The following EP400 variants were observed in gnomAD, a reference collection of about 807,000 sequenced individuals.
The protein encoded by EP400 is E1A-binding protein p400.
A neutral mutation model predicts 354.1 loss-of-function variants in EP400; 105 were observed. The ratio of observed to expected loss-of-function variants is 0.30; its 90% CI spans 0.25 to 0.35. The LOEUF (loss-of-function observed/expected upper bound fraction) is 0.35. Among genes scored for constraint, EP400 ranks in the 10% least tolerant of loss-of-function variants. The pLI, the probability that EP400 is intolerant of heterozygous loss-of-function variation, is 1.00. For missense variants in EP400, 3,280 were observed against 4,121.0 expected (o/e 0.80, Z 5.59); for synonymous variants, 1,646 against 1,716.9 (o/e 0.96, Z 1.02).
At chr12:131,985,587 C>T (rs888166523) in intron 5 of EP400, among the ~76,000 whole-genome samples, 3 of 152,122 alleles carry the variant, frequency 2.0e-5, no homozygotes, top group African/African-American at 4.8e-5. Flanking sequence ...TTAAGTCTGT[C>T]GTTGAGGTGG....
chr12:132,033,120 G>A (rs937134214), intron 30 of EP400, among the ~76,000 whole-genome samples: 1 of 151,072 alleles, frequency 6.6e-6, no homozygotes, highest in Admixed American at 6.6e-5. Context: ...GCTAGTTTTT[G>A]TATTTTTAGT....
chr12:131,964,113 A>G (rs1038331222), intron 2 of EP400, among the ~76,000 whole-genome samples: 1 of 152,258 alleles, frequency 6.6e-6, no homozygotes, highest in Admixed American at 6.5e-5. Flanking sequence ...AACGGATATT[A>G]AGTGAATGCA....
intron 6 of EP400, 78 bp from the exon 7 acceptor site, chr12:131,987,627 T>C: frequency 7.4e-7 from 1 of 1,347,724 alleles, no homozygotes; most frequent in Non-Finnish European, 1.0e-6. Context: ...ATAGTAGGGC[T>C]TCAAATTTCT....
chr12:131,952,302 C>CAAAAAAA (rs927214848), intron 1 of EP400, among the ~76,000 whole-genome samples: 11 of 46,992 alleles, frequency 2.3e-4, no homozygotes, highest in East Asian at 1.5e-3. Context: ...GACTCTGTCT[C>CAAAAAAA]AAAAAAAAAA....
rs1245488287 is a variant in EP400, at chr12:132,018,591, ACCT to A, written c.4277+219_4277+221del. On this transcript the variant is annotated intron_variant, in intron 21 of 52. Transcript: ENST00000389561. This position sits in a 1 kb window ranked among gnomAD's most constrained non-coding sequence, Gnocchi z 4.0. ...CAACTGCTTGCCTCCCTGAGCAGCA[ACCT>A]CCTTGATCGTCTTTGCAGCAGTTTT... 6.6e-6 allele frequency among the ~76,000 whole-genome samples: 1 copy of A among 152,062 alleles called. No individual in the cohort carries two copies. The highest frequency in any genetic ancestry group is 1.9e-4 in the East Asian group (1 of 5,184).
At chr12:131,962,797 A>G (rs190092519) in intron 2 of EP400, among the ~76,000 whole-genome samples, 5 of 152,338 alleles carry the variant, frequency 3.3e-5, no homozygotes, top group Admixed American at 3.3e-4. Context: ...TGTGTAGTGT[A>G]TACTATGTTG....
chr12:132,079,915 G>A lies in EP400; in HGVS notation c.*2242G>A, dbSNP rs995274664. On this transcript the variant is annotated 3_prime_UTR_variant, in exon 53 of 53. Coordinates refer to ENST00000389561, the MANE Select transcript of EP400 (RefSeq NM_015409.5). ...TGTACGTAAAAACTCTCCTTTTAGT[G>A]TGTTATTTTCTTGGCCTTCCCTTTT... The A allele has an allele frequency of 2.0e-5, 3 of 152,208 alleles. No individual in the cohort carries two copies. The highest frequency in any genetic ancestry group is 7.2e-5 in the African/African-American group (3 of 41,440). The allele number at this position is 152,208 out of a possible 1,614,324, so 9.4% of individuals were successfully genotyped here.
rs188580930 is a variant in EP400 at position 132,015,149 on chromosome 12, A to G, written c.3923+1236A>G. On this transcript the variant is annotated intron_variant, in intron 19 of 52. Coordinates refer to ENST00000389561, the MANE Select transcript of EP400 (RefSeq NM_015409.5). Reference sequence around the variant, plus strand: ...GCATGCTTAATCCTGGTGAGTGGAGATTTCAGGAGGGAAGGTAAGTGTGCA... The same window carrying G: ...GCATGCTTAATCCTGGTGAGTGGAGGTTTCAGGAGGGAAGGTAAGTGTGCA... 9.3e-4 allele frequency among the ~76,000 whole-genome samples: 142 copies of G among 152,292 alleles called. 1 individual carries two copies. The highest frequency in any genetic ancestry group is 4.5e-3 in the Admixed American group (69 of 15,286).
chr12:132,028,955 C>G (rs1050483575), intron 27 of EP400: 1 of 152,430 alleles, frequency 6.6e-6, no homozygotes, highest in Non-Finnish European at 1.5e-5. Flanking sequence ...TCAGTTCTTT[C>G]AGATCAGGAA....
rs1485199132 is a variant in EP400, at chr12:132,043,738, T to TC, written c.6450+11dup. 1 of 1,595,448 alleles carries TC rather than the reference T, an allele frequency of 6.3e-7. No homozygotes were observed. Among genetic ancestry groups the TC allele is most frequent in the Admixed American group, 1.8e-5 (1 of 54,316 alleles). On this transcript the variant is annotated intron_variant, in intron 34 of 52. Coordinates refer to ENST00000389561, the MANE Select transcript of EP400 (RefSeq NM_015409.5). Reference sequence around the variant, plus strand: ...GGAGAGAAACAGTGAGGTAAGAGAATCAACTTTTGGTCAGTGAAAAAAATT... The same window carrying TC: ...GGAGAGAAACAGTGAGGTAAGAGAATCCAACTTTTGGTCAGTGAAAAAAATT...
chr12:132,021,288 G>C lies in EP400; in HGVS notation c.4657G>C (p.Val1553Leu). 6.5e-7 allele frequency: 1 copy of C among 1,527,556 alleles called. No individual in the cohort carries two copies. Among genetic ancestry groups the C allele is most frequent in the Non-Finnish European group, 8.7e-7 (1 of 1,143,526 alleles). The allele number at this position is 1,527,556 out of a possible 1,614,324, so 94.6% of individuals were successfully genotyped here. The change falls in exon 23 of 53, where the codon GTG (valine) becomes CTG (leucine). Residue 1553 changes from valine (V) to leucine (L), a missense_variant. Transcript: ENST00000389561. ...GCAGAGCGCGCTGCCTCAGAGGCTG[G>C]TGCTCCCCTCGCAGGCCCAGGCCCG... is the stretch of plus-strand genomic sequence containing the variant. ...AGQSALPQRL[V>L]LPSQAQARLP...
intron 1 of EP400, among the ~76,000 whole-genome samples, chr12:131,951,285 C>G (rs1241212816): frequency 2.6e-5 from 4 of 151,396 alleles, no homozygotes; most frequent in Non-Finnish European, 4.4e-5. Context: ...CTCCTGAGCT[C>G]AGGCAGTCCG....
intron 39 of EP400, among the ~76,000 whole-genome samples, 198 bp downstream of exon 39, chr12:132,046,098 G>A (rs1895088950): frequency 6.6e-6 from 1 of 152,242 alleles, no homozygotes; most frequent in Non-Finnish European, 1.5e-5. Flanking sequence ...TATGGCATGA[G>A]CAGTGATGGA....
chr12:132,025,708 G>T lies in EP400; in HGVS notation c.4918G>T (p.Val1640Leu). Residue 1640 changes from valine (V) to leucine (L), a missense_variant, in exon 25 of 53, where the codon GTG becomes TTG. Transcript: ENST00000389561. The surrounding 1 kb of genome is among the most constrained non-coding windows in gnomAD (Gnocchi z 4.1). Reference protein sequence around the residue: ...QPYLRAPGPVVMQTVSQAGAV... With the variant: ...QPYLRAPGPVLMQTVSQAGAV... Reference sequence around the variant, plus strand: ...CTACCTTCGAGCCCCTGGCCCTGTGGTGATGCAGACCGTGTCTCAGGCGGG... The same window carrying T: ...CTACCTTCGAGCCCCTGGCCCTGTGTTGATGCAGACCGTGTCTCAGGCGGG... 1 of 1,613,512 alleles carries T rather than the reference G, an allele frequency of 6.2e-7. No individual in the cohort carries two copies. Among genetic ancestry groups the T allele is most frequent in the East Asian group, 2.2e-5 (1 of 44,880 alleles).
intron 51 of EP400, chr12:132,076,199 T>TA (rs1565938280): frequency 2.1e-5 from 9 of 423,758 alleles, no homozygotes; most frequent in South Asian, 1.2e-4. Context: ...CTCAAATACT[T>TA]ACCATCCTCA....
At position 131,960,765 on chromosome 12, in the gene EP400, C is replaced by T. The variant is rs575639601; in HGVS notation, c.146C>T (p.Ser49Leu). 1.1e-5 allele frequency: 18 copies of T among 1,611,652 alleles called. No homozygotes were observed. Among genetic ancestry groups the T allele is most frequent in the South Asian group, 2.2e-5 (2 of 90,994 alleles). Reference protein sequence around the residue: ...AAPFAPSASPSAPQSPSYQIQ... With the variant: ...AAPFAPSASPLAPQSPSYQIQ... ...CCCTTCGCTCCCTCAGCAAGCCCGT[C>T]GGCACCCCAGTCTCCCAGTTATCAA... Residue 49 changes from serine to leucine, a missense_variant, in exon 2 of 53, where the codon TCG (serine) becomes TTG (leucine). Ser to Leu is a moderately radical substitution (Grantham distance 145). Coordinates refer to ENST00000389561, the MANE Select transcript of EP400 (RefSeq NM_015409.5).
chr12:132,013,305 A>ATCCCAG lies in EP400; in HGVS notation c.3611+128_3611+133dup. ...AGCTAGAGAATTGCTTTTCATCTTCATCCCAGCACATGGGCCAGAGAGCCC... is the reference window on the plus strand; with the variant it reads ...AGCTAGAGAATTGCTTTTCATCTTCATCCCAGTCCCAGCACATGGGCCAGAGAGCCC... On this transcript the variant is annotated intron_variant, in intron 17 of 52. Coordinates refer to ENST00000389561, the MANE Select transcript of EP400 (RefSeq NM_015409.5). This position sits in a 1 kb window ranked among gnomAD's most constrained non-coding sequence, Gnocchi z 4.5. The ATCCCAG allele has an allele frequency of 7.0e-7, 1 of 1,423,978 alleles. No homozygotes were observed. The allele number at this position is 1,423,978 out of a possible 1,614,324, so 88.2% of individuals were successfully genotyped here. A position where few individuals can be genotyped will look rare whatever the true frequency, so the allele number is the denominator to read the frequency against.
rs1225666516 is a variant in EP400, at chr12:132,050,819, G to A, written c.7394+164G>A. On this transcript the variant is annotated intron_variant, in intron 41 of 52. Coordinates refer to ENST00000389561, the MANE Select transcript of EP400 (RefSeq NM_015409.5). The surrounding 1 kb of genome is among the most constrained non-coding windows in gnomAD (Gnocchi z 4.8). Reference sequence around the variant, plus strand: ...GCAGGAGAGAGGTGCTTTTCCTGCCGTGGGCTAGGGTATGCATAGGACGGC... The same window carrying A: ...GCAGGAGAGAGGTGCTTTTCCTGCCATGGGCTAGGGTATGCATAGGACGGC... The A allele has an allele frequency of 1.4e-5, 11 of 796,248 alleles. No individual in the cohort carries two copies. The highest frequency in any genetic ancestry group is 5.1e-5 in the African/African-American group (3 of 58,912). The allele number at this position is 796,248 out of a possible 1,614,324, so 49.3% of individuals were successfully genotyped here. A position where few individuals can be genotyped will look rare whatever the true frequency, so the allele number is the denominator to read the frequency against.
At chr12:131,950,673 C>G (rs1891442628) in intron 1 of EP400, among the ~76,000 whole-genome samples, 2 of 152,206 alleles carry the variant, frequency 1.3e-5, no homozygotes, top group African/African-American at 4.8e-5. Context: ...GGGGGCGCCT[C>G]TCGTCACACA....
Sources: allele counts gnomAD v4.1 joint callset (sites outside exome capture counted in the v4.1 genomes callset), GRCh38; gene constraint gnomAD v4.1.1; non-coding constraint Gnocchi (gnomAD v3.1); transcripts MANE v1.5; gene names NCBI Gene and HGNC (gene_info 2026-07-23, HGNC 2026-07-21).